MYRFL: variants seen among roughly 807,000 people sequenced by gnomAD.
The protein encoded by MYRFL is myelin regulatory factor like, also known as myelin regulatory factor-like protein.
In MYRFL, 88 loss-of-function variants were observed where a neutral mutation model predicts 109.4. The observed-to-expected ratio is 0.80, with a 90% CI of 0.68 to 0.96. The LOEUF is 0.96. Ranked by LOEUF, MYRFL falls within the 40% of genes least tolerant of loss-of-function variation. MYRFL has a pLI of 0.00. For missense variants in MYRFL, 957 were observed against 954.9 expected (o/e 1.00, Z -0.03); for synonymous variants, 324 against 320.9 (o/e 1.01, Z -0.10).
At chr12:69,890,871 C>T (rs1295180913) in intron 6 of MYRFL, 100 bp from the exon 7 acceptor site, 5 of 854,000 alleles carry the variant, frequency 5.9e-6, no homozygotes, top group Non-Finnish European at 6.3e-6. Context: ...GCACTTTTCA[C>T]AGTACGTTTT....
intron 11 of MYRFL, among the ~76,000 whole-genome samples, chr12:69,905,859 G>A (rs1364992831): frequency 1.3e-5 from 2 of 152,150 alleles, no homozygotes; most frequent in East Asian, 3.9e-4. Flanking sequence ...GGAGATGATG[G>A]TAATGTTGAT....
intron 1 of MYRFL, 143 bp downstream of exon 1, chr12:69,825,706 G>A (rs1291554802): frequency 1.6e-6 from 1 of 607,828 alleles, no homozygotes; most frequent in African/African-American, 1.9e-5. Context: ...CAAAAGTAGG[G>A]GTTTATTTGC....
In MYRFL at chr12:69,887,907, C is replaced by G. The variant is rs149001392; in HGVS notation, c.707+937C>G. ...GCAATTAGAAAAAGAAATGAGGGGT[C>G]CATGGGTTTTGGCTTTGAGGCTTGG... is the stretch of plus-strand genomic sequence containing the variant. On this transcript the variant is annotated intron_variant, in intron 6 of 24. Transcript: ENST00000552032. 1.9e-4 allele frequency among the ~76,000 whole-genome samples: 29 copies of G among 152,178 alleles called. No homozygotes were observed. In the East Asian group the frequency reaches 5.0e-3, roughly 26 times the overall value.
intron 16 of MYRFL, among the ~76,000 whole-genome samples, chr12:69,935,481 C>T (rs1331221554): frequency 1.3e-5 from 2 of 152,204 alleles, no homozygotes; most frequent in African/African-American, 2.4e-5. Flanking sequence ...AGGAAAGCTT[C>T]CATTTGTTTA....
intron 6 of MYRFL, among the ~76,000 whole-genome samples, chr12:69,887,567 C>T (rs189394503): frequency 6.6e-6 from 1 of 152,150 alleles, no homozygotes; most frequent in Non-Finnish European, 1.5e-5. Flanking sequence ...TATATTATTA[C>T]TCTTAAACAT....
chr12:69,958,339 C>CTT lies in MYRFL; in HGVS notation c.2646+20_2646+21dup, dbSNP rs1956140418. Reference sequence around the variant, plus strand: ...AGCTGCACCGGTAAGCTTGCTTTTTCTTTTTCTTTTCAGTGAGAAAGAAAT... The same window carrying CTT: ...AGCTGCACCGGTAAGCTTGCTTTTTCTTTTTTTCTTTTCAGTGAGAAAGAAAT... On this transcript the variant is annotated intron_variant, in intron 24 of 24. Coordinates refer to ENST00000552032, the MANE Select transcript of MYRFL (RefSeq NM_182530.3). 2 of 1,532,454 alleles carry CTT rather than the reference C, an allele frequency of 1.3e-6. No individual in the cohort carries two copies. The highest frequency in any genetic ancestry group is 2.8e-5 in the African/African-American group (2 of 72,704). The allele number at this position is 1,532,454 out of a possible 1,614,324, so 94.9% of individuals were successfully genotyped here. A position where few individuals can be genotyped will look rare whatever the true frequency, so the allele number is the denominator to read the frequency against.
chr12:69,829,996 C>T (rs1001229089), intron 1 of MYRFL, among the ~76,000 whole-genome samples: 2 of 152,076 alleles, frequency 1.3e-5, no homozygotes, highest in African/African-American at 4.8e-5. Context: ...CTTTCCCACT[C>T]TCTTAGACAA....
At chr12:69,917,196 T>A (rs1954760737) in intron 13 of MYRFL, among the ~76,000 whole-genome samples, 1 of 152,294 alleles carries the variant, frequency 6.6e-6, no homozygotes, top group South Asian at 2.1e-4. Flanking sequence ...GGTTTCATTT[T>A]AAGAGTCAGG....
intron 5 of MYRFL, 137 bp downstream of exon 5, chr12:69,880,429 G>A (rs1886002406): frequency 7.0e-6 from 4 of 573,704 alleles, no homozygotes; most frequent in African/African-American, 1.9e-5. Context: ...TGGTAGTTTG[G>A]TTCTTCCCTC....
At chr12:69,852,995 A>C (rs892639943) in intron 1 of MYRFL, among the ~76,000 whole-genome samples, 8 of 152,232 alleles carry the variant, frequency 5.3e-5, no homozygotes, top group Admixed American at 6.5e-5. Context: ...CTTTCTACAC[A>C]GACACCGTAA....
intron 15 of MYRFL, among the ~76,000 whole-genome samples, chr12:69,932,084 C>T (rs1007580401): frequency 1.3e-5 from 2 of 152,092 alleles, no homozygotes; most frequent in African/African-American, 2.4e-5. Context: ...TGTCATGATA[C>T]CCGAAATCAT....
At chr12:69,952,289 C>T in intron 20 of MYRFL, 114 bp downstream of exon 20, 1 of 866,984 alleles carries the variant, frequency 1.2e-6, no homozygotes, top group Non-Finnish European at 1.8e-6. Context: ...AGCCTGCCTG[C>T]CACGCATATC....
chr12:69,922,845 T>C (rs141066936), intron 13 of MYRFL, among the ~76,000 whole-genome samples: 4 of 152,348 alleles, frequency 2.6e-5, no homozygotes, highest in Non-Finnish European at 5.9e-5. Flanking sequence ...TGAGGATTAT[T>C]GCCTAGATCT....
chr12:69,895,600 C>A, intron 9 of MYRFL, 119 bp downstream of exon 9: 2 of 665,868 alleles, frequency 3.0e-6, no homozygotes, highest in Non-Finnish European at 5.1e-6. Context: ...GGCCTCTAAG[C>A]CACTTTCCTC....
intron 22 of MYRFL, among the ~76,000 whole-genome samples, chr12:69,957,503 G>C (rs1347869541): frequency 6.6e-6 from 1 of 152,130 alleles, no homozygotes; most frequent in Admixed American, 6.5e-5. Context: ...AGGCGTTAGG[G>C]TTGCTTGAGC....
At chr12:69,842,783 G>T (rs1565964295) in intron 1 of MYRFL, among the ~76,000 whole-genome samples, 1 of 152,140 alleles carries the variant, frequency 6.6e-6, no homozygotes, top group East Asian at 1.9e-4. Context: ...GCCCTCTCAG[G>T]TGTCACTGAT....
At chr12:69,846,737 G>A (rs373881950) in intron 1 of MYRFL, among the ~76,000 whole-genome samples, 11 of 152,052 alleles carry the variant, frequency 7.2e-5, no homozygotes, top group African/African-American at 2.7e-4. Context: ...TGGGTCAAAT[G>A]GTATTTCTAG....
At chr12:69,890,694 T>C (rs1014112070) in intron 6 of MYRFL, among the ~76,000 whole-genome samples, 4 of 152,194 alleles carry the variant, frequency 2.6e-5, no homozygotes, top group African/African-American at 9.7e-5. Flanking sequence ...AAGTTGGTGC[T>C]ACTGCACTCC....
intron 5 of MYRFL, among the ~76,000 whole-genome samples, chr12:69,882,307 A>AAAAG (rs992615589): frequency 7.5e-5 from 11 of 146,756 alleles, no homozygotes; most frequent in East Asian, 5.8e-4. Context: ...AAAAAAAGAA[A>AAAAG]AAAGAAAGAA....
Sources: allele counts gnomAD v4.1 joint callset (sites outside exome capture counted in the v4.1 genomes callset), GRCh38; gene constraint gnomAD v4.1.1; transcripts MANE v1.5; gene names NCBI Gene and HGNC (gene_info 2026-07-23, HGNC 2026-07-21).